FCHSD2: variants seen among roughly 807,000 people sequenced by gnomAD.
FCHSD2 encodes FCH and double SH3 domains 2.
Under a neutral mutation model 108.1 loss-of-function variants are expected in FCHSD2, and 38 were observed. The observed-to-expected ratio is 0.35, with a 90% CI of 0.27 to 0.46. The LOEUF (loss-of-function observed/expected upper bound fraction) is 0.46. Among genes scored for constraint, FCHSD2 ranks in the 20% least tolerant of loss-of-function variants. The probability of loss-of-function intolerance (pLI) is 1.00; values close to 1 mark genes in which losing one functional copy is unlikely to be tolerated. For missense variants in FCHSD2, 751 were observed against 897.8 expected, an observed-to-expected ratio of 0.84 and a Z score of 2.09; for synonymous variants, 279 against 314.7, an observed-to-expected ratio of 0.89 and a Z score of 1.20.
intron 8 of FCHSD2, among the ~76,000 whole-genome samples, chr11:72,967,199 C>CA (rs555219984): frequency 0.034 from 2,239 of 64,968 alleles, 40 homozygotes; most frequent in African/African-American, 0.092. Flanking sequence ...GACTCTGTCT[C>CA]AAAAAAAAAA....
At chr11:73,131,355 A>C (rs960253018) in intron 2 of FCHSD2, among the ~76,000 whole-genome samples, 33 of 143,768 alleles carry the variant, frequency 2.3e-4, no homozygotes, top group Non-Finnish European at 4.7e-4. Context: ...CTCTCTACTA[A>C]AAGTACAAAA....
At chr11:72,929,983 A>G (rs1046436662) in intron 8 of FCHSD2, among the ~76,000 whole-genome samples, 7 of 152,218 alleles carry the variant, frequency 4.6e-5, no homozygotes, top group Admixed American at 3.9e-4. Flanking sequence ...GTAAGAGGGA[A>G]AGCACCAAAG....
chr11:72,998,519 T>C (rs1226370500), intron 5 of FCHSD2, among the ~76,000 whole-genome samples: 2 of 151,744 alleles, frequency 1.3e-5, no homozygotes, highest in African/African-American at 4.8e-5. Context: ...CCAGCCTGGG[T>C]GACAGAGCGA....
At chr11:72,844,502 C>T (rs538796613) in intron 14 of FCHSD2, among the ~76,000 whole-genome samples, 1 of 152,264 alleles carries the variant, frequency 6.6e-6, no homozygotes, top group East Asian at 1.9e-4. Context: ...CAGCAGCAAT[C>T]CACCAGCATC....
Position 72,889,960 on chromosome 11 carries a change from A to G in FCHSD2, c.925-15T>C, listed in dbSNP as rs1356541550. On this transcript the variant is annotated splice_polypyrimidine_tract_variant and intron_variant, in intron 10 of 19. Transcript: ENST00000409418. ...AACTGTCGGCTCTACAATACAAGAG[A>G]GAACAGAGATAAAAATATTGCTATC... is the stretch of plus-strand genomic sequence containing the variant. 3 of 1,493,280 alleles carry G rather than the reference A, an allele frequency of 2.0e-6. No individual in the cohort carries two copies. Among genetic ancestry groups the G allele is most frequent in the Non-Finnish European group, 2.8e-6 (3 of 1,071,138 alleles). The allele number at this position is 1,493,280 out of a possible 1,614,324, so 92.5% of individuals were successfully genotyped here. A position where few individuals can be genotyped will look rare whatever the true frequency, so the allele number is the denominator to read the frequency against.
intron 8 of FCHSD2, among the ~76,000 whole-genome samples, chr11:72,929,071 G>C (rs972120706): frequency 9.9e-5 from 15 of 152,124 alleles, no homozygotes; most frequent in African/African-American, 1.7e-4. Flanking sequence ...TTTATGGCTG[G>C]ATAGTATTCC....
At chr11:72,860,400 CA>C (rs1425483982) in intron 13 of FCHSD2, among the ~76,000 whole-genome samples, 1 of 151,892 alleles carries the variant, frequency 6.6e-6, no homozygotes, top group Non-Finnish European at 1.5e-5. Context: ...AAACAAAGCT[CA>C]AAAAGTTTAA....
chr11:72,843,125 A>G (rs1490885107), intron 16 of FCHSD2, 26 bp downstream of exon 16: 1 of 1,611,514 alleles, frequency 6.2e-7, no homozygotes, highest in Admixed American at 1.7e-5. Context: ...GTGACCAAAT[A>G]AAGAGTGCCT....
chr11:72,947,489 TG>T (rs1376976630), intron 8 of FCHSD2, among the ~76,000 whole-genome samples: 1 of 152,218 alleles, frequency 6.6e-6, no homozygotes, highest in Non-Finnish European at 1.5e-5. Context: ...ACATAGGAAT[TG>T]ACCACAAGAT....
intron 8 of FCHSD2, among the ~76,000 whole-genome samples, chr11:72,938,521 C>G (rs1028751945): frequency 2.0e-5 from 3 of 152,262 alleles, no homozygotes; most frequent in East Asian, 1.9e-4. Flanking sequence ...GGTGTGCCCA[C>G]AGCCAGCAAA....
intron 8 of FCHSD2, among the ~76,000 whole-genome samples, chr11:72,966,135 T>C (rs1298446085): frequency 6.6e-6 from 1 of 151,964 alleles, no homozygotes; most frequent in Non-Finnish European, 1.5e-5. Context: ...AGAAGGAAGA[T>C]GTTCACTTTA....
At chr11:72,877,703 T>C (rs1218593144) in intron 12 of FCHSD2, among the ~76,000 whole-genome samples, 1 of 152,200 alleles carries the variant, frequency 6.6e-6, no homozygotes. Flanking sequence ...ACTGCAGTTA[T>C]TATTCTATAA....
At chr11:72,948,992 G>A (rs928823032) in intron 8 of FCHSD2, among the ~76,000 whole-genome samples, 2 of 151,938 alleles carry the variant, frequency 1.3e-5, no homozygotes, top group Non-Finnish European at 2.9e-5. Flanking sequence ...ATTACTGGTG[G>A]GATGCTAGAT....
chr11:73,031,037 AG>A (rs1041626068), intron 3 of FCHSD2, among the ~76,000 whole-genome samples: 23 of 152,286 alleles, frequency 1.5e-4, no homozygotes, highest in African/African-American at 4.8e-4. Flanking sequence ...CTTAAAAAAA[AG>A]GGAGATCCTG....
rs1860753193 is a variant in FCHSD2 at position 72,837,158 on chromosome 11, C to G, written c.*1633G>C. Reference sequence around the variant, plus strand: ...CTTAAAAAAACCACCCTTTTAATTTCTTTTTTAAACTTAAGAATAAGTTTG... The same window carrying G: ...CTTAAAAAAACCACCCTTTTAATTTGTTTTTTAAACTTAAGAATAAGTTTG... On this transcript the variant is annotated 3_prime_UTR_variant, in exon 20 of 20. Transcript: ENST00000409418. 6.6e-6 allele frequency: 1 copy of G among 151,938 alleles called. No homozygotes were observed. The highest frequency in any genetic ancestry group is 2.4e-5 in the African/African-American group (1 of 41,350). 9.4% of individuals were successfully genotyped at this position (151,938 alleles called of 1,614,324 possible).
intron 9 of FCHSD2, among the ~76,000 whole-genome samples, chr11:72,904,447 A>AT (rs1855587949): frequency 6.6e-6 from 1 of 152,194 alleles, no homozygotes; most frequent in African/African-American, 2.4e-5. Flanking sequence ...CAACAATAGA[A>AT]TGTATCCTCA....
At chr11:73,041,783 T>A (rs1858645737) in intron 3 of FCHSD2, among the ~76,000 whole-genome samples, 1 of 152,166 alleles carries the variant, frequency 6.6e-6, no homozygotes, top group Non-Finnish European at 1.5e-5. Context: ...TTTGGTTTGT[T>A]CACAGTTTTG....
At chr11:73,049,587 T>C (rs914505135) in intron 3 of FCHSD2, among the ~76,000 whole-genome samples, 1 of 148,236 alleles carries the variant, frequency 6.7e-6, no homozygotes, top group African/African-American at 2.5e-5. Context: ...TAATGCTAGA[T>C]GACACGTTAG....
At chr11:72,970,002 T>C (rs975856944) in intron 8 of FCHSD2, among the ~76,000 whole-genome samples, 3 of 152,232 alleles carry the variant, frequency 2.0e-5, no homozygotes, top group Non-Finnish European at 2.9e-5. Context: ...ATCATCTTTA[T>C]TGTATTTTGT....
Sources: gnomAD v4.1 joint callset for allele counts (sites outside exome capture counted in the v4.1 genomes callset) on GRCh38, gnomAD v4.1.1 for gene constraint, MANE v1.5 for transcripts, NCBI Gene and HGNC (gene_info 2026-07-23, HGNC 2026-07-21) for gene names.